The following LDLRAD3 variants were observed in gnomAD, a reference collection of about 807,000 sequenced individuals.
The protein encoded by LDLRAD3 is low-density lipoprotein receptor class A domain-containing protein 3.
LDLRAD3 carries 20 observed loss-of-function variants against 29.4 expected under a neutral mutation model. That is an observed-to-expected ratio of 0.68 (90% CI 0.48 to 0.99). The LOEUF (loss-of-function observed/expected upper bound fraction) is 0.99, where lower values mean the gene tolerates loss of function less well. Ranked by LOEUF, LDLRAD3 falls within the 50% of genes least tolerant of loss-of-function variation. The pLI, the probability that LDLRAD3 is intolerant of heterozygous loss-of-function variation, is 0.00. For missense variants in LDLRAD3, 420 were observed against 454.3 expected, an observed-to-expected ratio of 0.92 and a Z score of 0.69; for synonymous variants, 157 against 192.7, an observed-to-expected ratio of 0.81 and a Z score of 1.53.
chr11:36,077,440 C>A (rs893146181), intron 2 of LDLRAD3, among the ~76,000 whole-genome samples: 18 of 152,232 alleles, frequency 1.2e-4, no homozygotes, highest in African/African-American at 4.3e-4. Context: ...GCCTACTTGA[C>A]CTGGCAGGCT....
At chr11:36,210,555 A>G (rs1855270524) in intron 4 of LDLRAD3, among the ~76,000 whole-genome samples, 1 of 152,180 alleles carries the variant, frequency 6.6e-6, no homozygotes, top group Non-Finnish European at 1.5e-5. Flanking sequence ...CTATTATGGA[A>G]CAACCGGGTT....
At chr11:35,947,267 G>C (rs957863553) in intron 1 of LDLRAD3, among the ~76,000 whole-genome samples, 1 of 152,172 alleles carries the variant, frequency 6.6e-6, no homozygotes, top group Non-Finnish European at 1.5e-5. Context: ...CCAGCACTTT[G>C]GGAGGCCAAG....
intron 4 of LDLRAD3, among the ~76,000 whole-genome samples, chr11:36,139,814 T>C (rs758828076): frequency 6.6e-6 from 1 of 152,140 alleles, no homozygotes; most frequent in South Asian, 2.1e-4. Flanking sequence ...GAATGGATGT[T>C]GGGAAGAACC....
chr11:35,956,172 A>C (rs1195065217), intron 1 of LDLRAD3, among the ~76,000 whole-genome samples: 1 of 152,160 alleles, frequency 6.6e-6, no homozygotes, highest in Non-Finnish European at 1.5e-5. Flanking sequence ...TATATTATTA[A>C]GCTTTCATGT....
At chr11:36,172,082 C>T (rs1854606265) in intron 4 of LDLRAD3, among the ~76,000 whole-genome samples, 1 of 152,024 alleles carries the variant, frequency 6.6e-6, no homozygotes, top group African/African-American at 2.4e-5. Context: ...GTTTGTTTTG[C>T]AGCTATTGCA....
chr11:36,099,959 G>T (rs887009924), intron 4 of LDLRAD3, among the ~76,000 whole-genome samples: 2 of 152,058 alleles, frequency 1.3e-5, no homozygotes. Flanking sequence ...CTTCACAGTG[G>T]TTCTCAAAGT....
At chr11:36,065,799 G>C (rs1036680145) in intron 2 of LDLRAD3, among the ~76,000 whole-genome samples, 12 of 152,212 alleles carry the variant, frequency 7.9e-5, no homozygotes, top group Admixed American at 5.2e-4. Context: ...CCCTTTGCAG[G>C]TGTTTTGAGA....
chr11:36,161,603 T>C (rs998561384), intron 4 of LDLRAD3, among the ~76,000 whole-genome samples: 1 of 146,038 alleles, frequency 6.8e-6, no homozygotes, highest in African/African-American at 2.6e-5. Context: ...GATGGATGGA[T>C]GGAGTACAAC....
intron 4 of LDLRAD3, among the ~76,000 whole-genome samples, chr11:36,185,889 C>T (rs563349567): frequency 2.5e-4 from 38 of 152,296 alleles, no homozygotes; most frequent in African/African-American, 7.9e-4. Flanking sequence ...AGCTAAGAGA[C>T]GCCTTTGTGA....
intron 1 of LDLRAD3, chr11:35,968,181 A>C: frequency 2.4e-6 from 1 of 424,372 alleles, no homozygotes; most frequent in South Asian, 1.9e-5. Context: ...ATCATCTCGA[A>C]TTTTCCTCTT....
At chr11:36,161,293 G>T (rs1464901869) in intron 4 of LDLRAD3, among the ~76,000 whole-genome samples, 1 of 152,094 alleles carries the variant, frequency 6.6e-6, no homozygotes, top group Non-Finnish European at 1.5e-5. Flanking sequence ...GGAATCCTAT[G>T]GCATCTATAA....
intron 4 of LDLRAD3, among the ~76,000 whole-genome samples, chr11:36,149,172 G>A (rs781759368): frequency 9.2e-5 from 14 of 152,208 alleles, no homozygotes; most frequent in Non-Finnish European, 1.9e-4. Context: ...CCATTTGGGA[G>A]TAGCCAGGGA....
At chr11:36,016,585 C>G (rs1852025677) in intron 1 of LDLRAD3, among the ~76,000 whole-genome samples, 2 of 152,138 alleles carry the variant, frequency 1.3e-5, no homozygotes, top group African/African-American at 4.8e-5. Context: ...CGTAAGTTCT[C>G]CAGGCATATT....
At chr11:35,996,998 C>T (rs1192203004) in intron 1 of LDLRAD3, among the ~76,000 whole-genome samples, 1 of 152,112 alleles carries the variant, frequency 6.6e-6, no homozygotes, top group Non-Finnish European at 1.5e-5. Context: ...CTTAGTTTCT[C>T]ATGTCAAACA....
At chr11:35,979,535 T>G (rs1408625647) in intron 1 of LDLRAD3, among the ~76,000 whole-genome samples, 1 of 152,200 alleles carries the variant, frequency 6.6e-6, no homozygotes, top group African/African-American at 2.4e-5. Flanking sequence ...GCTTAGTCCT[T>G]GCTATACAGG....
At chr11:36,226,638 G>A (rs141600851) in intron 4 of LDLRAD3, among the ~76,000 whole-genome samples, 37 of 152,276 alleles carry the variant, frequency 2.4e-4, no homozygotes, top group African/African-American at 8.9e-4. Context: ...ACCAGTTTCG[G>A]GACATTCCCG....
intron 4 of LDLRAD3, among the ~76,000 whole-genome samples, chr11:36,145,391 A>G (rs1335278683): frequency 9.8e-6 from 1 of 102,200 alleles, no homozygotes; most frequent in African/African-American, 4.6e-5. Context: ...TGGGGGGGTC[A>G]GCCCCCCGCC....
chr11:36,111,883 C>T (rs1047289285), intron 4 of LDLRAD3, among the ~76,000 whole-genome samples: 3 of 152,254 alleles, frequency 2.0e-5, no homozygotes, highest in Non-Finnish European at 4.4e-5. Context: ...AGGCGTGAGC[C>T]ACCACGCCCG....
At chr11:36,112,969 G>T (rs546572825) in intron 4 of LDLRAD3, among the ~76,000 whole-genome samples, 2 of 151,302 alleles carry the variant, frequency 1.3e-5, no homozygotes, top group South Asian at 4.2e-4. Context: ...ACCAAGAATG[G>T]TCAGTGTCAG....
Sources: gnomAD v4.1 joint callset for allele counts (sites outside exome capture counted in the v4.1 genomes callset) on GRCh38, gnomAD v4.1.1 for gene constraint, MANE v1.5 for transcripts, NCBI Gene and HGNC (gene_info 2026-07-23, HGNC 2026-07-21) for gene names.